Variants in CRB2 observed in about 807,000 individuals in gnomAD.
CRB2 encodes the protein protein crumbs homolog 2.
In CRB2, 85 loss-of-function variants were observed where a neutral mutation model predicts 110.9. The observed-to-expected ratio is 0.77, with a 90% confidence interval of 0.64 to 0.92. CRB2 has a LOEUF of 0.92. CRB2 is among the 40% of genes least tolerant of loss of function. The pLI, the probability that CRB2 is intolerant of heterozygous loss-of-function variation, is 0.00. For missense variants in CRB2, 1,843 were observed against 1,851.3 expected (o/e 1.00, Z 0.08); for synonymous variants, 907 against 831.0 (o/e 1.09, Z -1.57).
In CRB2 at chr9:123,367,421, A is replaced by ACCCCCCCAC. The variant is rs1166674622; in HGVS notation, c.940+80_940+88dup. 0.012 allele frequency: 7,286 copies of ACCCCCCCAC among 598,970 alleles called. 149 individuals carry two copies. The highest frequency in any genetic ancestry group is 0.11 in the East Asian group (1,634 of 14,486). The allele number at this position is 598,970 out of a possible 1,614,324, so 37.1% of individuals were successfully genotyped here. A position where few individuals can be genotyped will look rare whatever the true frequency, so the allele number is the denominator to read the frequency against. On this transcript the variant is annotated intron_variant, in intron 5 of 12. Coordinates refer to ENST00000373631, the MANE Select transcript of CRB2 (RefSeq NM_173689.7). ...ATGCCCAGGGAGGGATCTTGTGCCC[A>ACCCCCCCAC]CCCCCCCACCCCCCCCACCCCCCCA... is the stretch of plus-strand genomic sequence containing the variant.
At chr9:123,374,922 C>T (rs565942531) in intron 11 of CRB2, among the ~76,000 whole-genome samples, 4 of 152,352 alleles carry the variant, frequency 2.6e-5, no homozygotes, top group Non-Finnish European at 4.4e-5. Context: ...CCAGCCTCAG[C>T]CCGCCTGTGG....
In CRB2 at chr9:123,373,310, G is replaced by A; in HGVS notation, c.2779G>A (p.Gly927Ser). 1 of 1,462,554 alleles carries A rather than the reference G, an allele frequency of 6.8e-7. No homozygotes were observed. The highest frequency in any genetic ancestry group is 9.0e-7 in the Non-Finnish European group (1 of 1,116,286). The allele number at this position is 1,462,554 out of a possible 1,614,324, so 90.6% of individuals were successfully genotyped here. A position where few individuals can be genotyped will look rare whatever the true frequency, so the allele number is the denominator to read the frequency against. The change falls in exon 10 of 13, where the codon GGC becomes AGC. Residue 927 changes from glycine to serine, a missense_variant. Physicochemically the swap from Gly to Ser is moderately conservative, Grantham distance 56. Transcript: ENST00000373631. ...AGGCGTGTGGCTGGCGGTGCGCAAT[G>A]GCTCGCTGGCGGGGGGCGTGCGCGG... The part of the protein sequence containing the change: ...LEGVWLAVRN[G>S]SLAGGVRGGH...
intron 1 of CRB2, among the ~76,000 whole-genome samples, chr9:123,359,454 T>TTTTG: frequency 7.3e-6 from 1 of 137,700 alleles, no homozygotes; most frequent in Non-Finnish European, 1.5e-5. Flanking sequence ...TTTTTTTTTT[T>TTTTG]TTTTTTTTTT....
intron 1 of CRB2, 136 bp from the exon 2 acceptor site, chr9:123,362,729 C>T (rs2041882028): frequency 2.5e-6 from 2 of 797,136 alleles, no homozygotes; most frequent in Non-Finnish European, 3.9e-6. Context: ...GCTTGCAGAC[C>T]CCTGGCCCTC....
At chr9:123,375,830 CAGG>C (rs1396450230) in intron 12 of CRB2, among the ~76,000 whole-genome samples, 2 of 152,052 alleles carry the variant, frequency 1.3e-5, no homozygotes, top group African/African-American at 2.4e-5. Flanking sequence ...TGGCTCAGCC[CAGG>C]AGGAGCCTGG....
intron 1 of CRB2, 35 bp downstream of exon 1, chr9:123,356,389 G>A: frequency 2.7e-6 from 4 of 1,480,756 alleles, no homozygotes; most frequent in Non-Finnish European, 3.6e-6. Flanking sequence ...GGGCCTGGGA[G>A]AGGGTCTGTC....
intron 8 of CRB2, 22 bp from the exon 9 acceptor site, chr9:123,372,155 C>T (rs1382942692): frequency 6.2e-7 from 1 of 1,613,502 alleles, no homozygotes; most frequent in Admixed American, 1.7e-5. Context: ...CTGAGCCAAC[C>T]CCTGCCCTGC....
intron 4 of CRB2, 120 bp downstream of exon 4, chr9:123,366,486 A>G (rs1410779283): frequency 3.2e-6 from 4 of 1,250,822 alleles, no homozygotes; most frequent in Non-Finnish European, 4.2e-6. Context: ...TCGGGACCAG[A>G]GTGTGTGTGT....
chr9:123,367,889 G>A (rs972129326), intron 6 of CRB2, among the ~76,000 whole-genome samples: 1 of 152,118 alleles, frequency 6.6e-6, no homozygotes, highest in Non-Finnish European at 1.5e-5. Flanking sequence ...AGTCCTGGCA[G>A]CTGGGGCCAT....
At chr9:123,354,327 AGTGTGGGAGTTT>A (rs141388764), upstream of CRB2, among the ~76,000 whole-genome samples, 545 of 152,348 alleles carry the variant, frequency 3.6e-3, 5 homozygotes, top group African/African-American at 0.013. Context: ...GCTCTGTGAA[AGTGTGGGAGTTT>A]GTGTCTGTGC....
In CRB2 at chr9:123,367,611, C is replaced by T. The variant is rs545270434; in HGVS notation, c.979C>T (p.Arg327Trp). 37 of 1,567,048 alleles carry T rather than the reference C, an allele frequency of 2.4e-5. No individual in the cohort carries two copies. The highest frequency in any genetic ancestry group is 9.6e-5 in the East Asian group (4 of 41,802). Residue 327 changes from arginine to tryptophan, a missense_variant, in exon 6 of 13, where the codon CGG becomes TGG. Coordinates refer to ENST00000373631, the MANE Select transcript of CRB2 (RefSeq NM_173689.7). ...CGVEVDECAS[R>W]PCLNGGHCQD... ...TGTGGAGGTGGACGAGTGTGCCTCACGGCCATGCCTCAACGGAGGCCACTG... is the reference window on the plus strand; with the variant it reads ...TGTGGAGGTGGACGAGTGTGCCTCATGGCCATGCCTCAACGGAGGCCACTG...
In CRB2 at chr9:123,367,670, C is replaced by G. The variant is rs1199981155; in HGVS notation, c.1038C>G (p.Cys346Trp). 3 of 1,561,590 alleles carry G rather than the reference C, an allele frequency of 1.9e-6. No homozygotes were observed. In the East Asian group the frequency reaches 7.2e-5, roughly 38 times the overall value. Reference protein sequence around the residue: ...QDLPNGFQCHCPDGYAGPTCE... With the variant: ...QDLPNGFQCHWPDGYAGPTCE... ...TGCCCAATGGCTTCCAGTGTCACTG[C>G]CCAGATGGCTACGCAGGTGTCTGGG... The change falls in exon 6 of 13, where the codon TGC (cysteine) becomes TGG (tryptophan). Residue 346 changes from cysteine to tryptophan, a missense_variant. Coordinates refer to ENST00000373631, the MANE Select transcript of CRB2 (RefSeq NM_173689.7).
At chr9:123,357,326 C>A (rs1205900180) in intron 1 of CRB2, among the ~76,000 whole-genome samples, 2 of 152,052 alleles carry the variant, frequency 1.3e-5, no homozygotes, top group African/African-American at 4.8e-5. Flanking sequence ...CCCCCACCAC[C>A]ACAGGCTGGG....
At chr9:123,376,019 TACGGGGAATGTTTCCTTTC>T (rs1245225212) in intron 12 of CRB2, among the ~76,000 whole-genome samples, 22 of 151,996 alleles carry the variant, frequency 1.4e-4, no homozygotes, top group African/African-American at 5.3e-4. Context: ...CCCCTCCGCT[TACGGGGAATGTTTCCTTTC>T]AAGTTGAACT....
In CRB2 at chr9:123,370,902, G is replaced by A. The variant is rs760937283; in HGVS notation, c.1849G>A (p.Gly617Arg). 11 of 1,613,006 alleles carry A rather than the reference G, an allele frequency of 6.8e-6. No homozygotes were observed. The highest frequency in any genetic ancestry group is 5.3e-5 in the African/African-American group (4 of 74,924). The change falls in exon 7 of 13, where the codon GGA becomes AGA. Residue 617 changes from glycine to arginine, a missense_variant. Physicochemically the swap from Gly to Arg is moderately radical, Grantham distance 125 (BLOSUM62 -2). Transcript: ENST00000373631. Reference protein sequence around the residue: ...EQCRPLPCVHGGSCVDLWTHF... With the variant: ...EQCRPLPCVHRGSCVDLWTHF... Reference sequence around the variant, plus strand: ...GTGCCGGCCTCTGCCTTGTGTCCACGGAGGGTCCTGTGTGGATCTGTGGAC... The same window carrying A: ...GTGCCGGCCTCTGCCTTGTGTCCACAGAGGGTCCTGTGTGGATCTGTGGAC...
At chr9:123,371,013 T>C in intron 7 of CRB2, 33 bp downstream of exon 7, 2 of 1,595,464 alleles carry the variant, frequency 1.3e-6, no homozygotes, top group Non-Finnish European at 1.7e-6. Context: ...AGGCAGCACC[T>C]GAGATCTGCC....
In CRB2 at chr9:123,363,467, G is replaced by A. The variant is rs139321800; in HGVS notation, c.418+279G>A. ...CCTAGAGTTCAGTTTGGCTGCGGGGGTGGAATACCCCTCATTCATCTCTGG... is the reference window on the plus strand; with the variant it reads ...CCTAGAGTTCAGTTTGGCTGCGGGGATGGAATACCCCTCATTCATCTCTGG... On this transcript the variant is annotated intron_variant, in intron 2 of 12. Transcript: ENST00000373631. 3.7e-3 allele frequency among the ~76,000 whole-genome samples: 562 copies of A among 152,298 alleles called. 4 individuals are homozygous for A. Among genetic ancestry groups the A allele is most frequent in the Middle Eastern group, 0.01 (3 of 294 alleles).
Position 123,375,276 on chromosome 9 carries a change from G to A in CRB2, c.3566G>A (p.Arg1189Gln), listed in dbSNP as rs138954569. Residue 1189 changes from arginine to glutamine, a missense_variant, in exon 12 of 13, where the codon CGG (arginine) becomes CAG (glutamine). Transcript: ENST00000373631. Reference sequence around the variant, plus strand: ...CCCTGCTTGAATGGGGGCACCTGCCGGGCAGCTGGAGGGGTGTCTGAATGT... The same window carrying A: ...CCCTGCTTGAATGGGGGCACCTGCCAGGCAGCTGGAGGGGTGTCTGAATGT... ...ANPCLNGGTC[R>Q]AAGGVSECIC... 16 of 1,612,174 alleles carry A rather than the reference G, an allele frequency of 9.9e-6. No homozygotes were observed. Among genetic ancestry groups the A allele is most frequent in the Middle Eastern group, 1.6e-4 (1 of 6,074 alleles).
chr9:123,357,902 A>G (rs1436744317), intron 1 of CRB2, among the ~76,000 whole-genome samples: 1 of 152,162 alleles, frequency 6.6e-6, no homozygotes. Flanking sequence ...GTGCATTCAC[A>G]CTCAGTGTGC....
Sources: allele counts gnomAD v4.1 joint callset (sites outside exome capture counted in the v4.1 genomes callset), GRCh38; gene constraint gnomAD v4.1.1; transcripts MANE v1.5; gene names NCBI Gene and HGNC (gene_info 2026-07-23, HGNC 2026-07-21).